Variants in TAS2R1 observed in about 807,000 individuals in gnomAD.
TAS2R1 encodes the protein taste 2 receptor member 1, also known as taste receptor type 2 member 1.
For synonymous variants in TAS2R1, 141 were observed against 134.2 expected (o/e 1.05, Z -0.35); for missense variants, 370 against 353.4 (o/e 1.05, Z -0.38).
At chr5:9,806,916 A>G in the TAS2R1 span, among the ~76,000 whole-genome samples, 7 of 152,190 alleles carry the variant, frequency 4.6e-5, no homozygotes, top group East Asian at 3.8e-4. Flanking sequence ...TAATTAAACT[A>G]AAAAGCTTAT....
At chr5:9,823,365 T>G in the TAS2R1 span, among the ~76,000 whole-genome samples, 1 of 152,002 alleles carries the variant, frequency 6.6e-6, no homozygotes, top group African/African-American at 2.4e-5. Context: ...ATGCTGAATA[T>G]CTACTCATAT....
Position 9,627,700 on chromosome 5 carries a change from G to T in TAS2R1, c.*1433C>A, listed in dbSNP as rs573992850. Among the ~76,000 whole-genome samples the T allele has an allele frequency of 2.0e-5, 3 of 152,208 alleles. No homozygotes were observed. Among genetic ancestry groups the T allele is most frequent in the Non-Finnish European group, 4.4e-5 (3 of 68,028 alleles). ...GATACAACTGATCTTCCCACAGCTG[G>T]CTTCCTGAGTGCGTGATTAGCTACA... On this transcript the variant is annotated 3_prime_UTR_variant, in exon 1 of 1. Coordinates refer to ENST00000382492, the MANE Select transcript of TAS2R1 (RefSeq NM_019599.3).
At chr5:9,734,468 G>A in the TAS2R1 span, among the ~76,000 whole-genome samples, 1 of 152,040 alleles carries the variant, frequency 6.6e-6, no homozygotes, top group African/African-American at 2.4e-5. Context: ...GTTTGTTTGA[G>A]AATCTACTTA....
the TAS2R1 span, among the ~76,000 whole-genome samples, chr5:9,811,713 C>T: frequency 2.0e-5 from 3 of 152,170 alleles, no homozygotes; most frequent in Admixed American, 2.0e-4. Context: ...CAAATTGATA[C>T]ATTCAGGCCA....
intron 1 of TAS2R1, among the ~76,000 whole-genome samples, chr5:9,665,639 C>T (rs1290070488): frequency 6.6e-6 from 1 of 152,210 alleles, no homozygotes; most frequent in African/African-American, 2.4e-5. Context: ...TCTGGGCAGC[C>T]CTGCCTGAAG....
At chr5:9,799,917 G>A in the TAS2R1 span, among the ~76,000 whole-genome samples, 1 of 152,074 alleles carries the variant, frequency 6.6e-6, no homozygotes, top group Non-Finnish European at 1.5e-5. Context: ...AGATTATTTT[G>A]TTATCATAAA....
the TAS2R1 span, among the ~76,000 whole-genome samples, chr5:9,798,362 C>T: frequency 2.0e-5 from 3 of 152,058 alleles, no homozygotes; most frequent in African/African-American, 7.2e-5. Context: ...GAATTGTATA[C>T]TTAAAACAGG....
At chr5:9,720,909 T>C in the TAS2R1 span, among the ~76,000 whole-genome samples, 21 of 152,356 alleles carry the variant, frequency 1.4e-4, no homozygotes, top group East Asian at 3.9e-3. Flanking sequence ...CCCATTTCTC[T>C]TGTCACATTC....
At chr5:9,671,188 C>A (rs1403724401) in intron 1 of TAS2R1, among the ~76,000 whole-genome samples, 1 of 152,160 alleles carries the variant, frequency 6.6e-6, no homozygotes, top group Non-Finnish European at 1.5e-5. Context: ...CAACATTGTA[C>A]TGAATGGGCA....
At chr5:9,703,535 G>A (rs1302434508) in intron 1 of TAS2R1, among the ~76,000 whole-genome samples, 2 of 152,048 alleles carry the variant, frequency 1.3e-5, no homozygotes, top group Non-Finnish European at 2.9e-5. Context: ...CTGCACAGGG[G>A]CTCCAACAAC....
At chr5:9,700,800 A>T (rs1741463921) in intron 1 of TAS2R1, among the ~76,000 whole-genome samples, 1 of 152,016 alleles carries the variant, frequency 6.6e-6, no homozygotes, top group Non-Finnish European at 1.5e-5. Flanking sequence ...CTTTCTGTGC[A>T]TGTCTCTGTC....
the TAS2R1 span, among the ~76,000 whole-genome samples, chr5:9,755,326 G>A: frequency 9.2e-5 from 14 of 152,282 alleles, no homozygotes; most frequent in Non-Finnish European, 1.3e-4. Context: ...GGTGGCTCAC[G>A]CCTGTAATCC....
the TAS2R1 span, among the ~76,000 whole-genome samples, chr5:9,737,287 C>T: frequency 2.0e-5 from 3 of 152,194 alleles, no homozygotes; most frequent in African/African-American, 7.2e-5. Flanking sequence ...ATTAGGTCAA[C>T]ATAGTTGCAG....
the TAS2R1 span, among the ~76,000 whole-genome samples, chr5:9,861,121 T>C: frequency 6.7e-6 from 1 of 149,858 alleles, no homozygotes; most frequent in East Asian, 2.0e-4. Context: ...TTAAAACAAA[T>C]AGATTTTACA....
At chr5:9,686,488 G>C (rs906552595) in intron 1 of TAS2R1, among the ~76,000 whole-genome samples, 2 of 152,124 alleles carry the variant, frequency 1.3e-5, no homozygotes, top group African/African-American at 4.8e-5. Context: ...CTGGGACTTT[G>C]CTCTGTCATG....
the TAS2R1 span, among the ~76,000 whole-genome samples, chr5:9,809,438 C>T: frequency 9.1e-4 from 138 of 152,148 alleles, no homozygotes; most frequent in Middle Eastern, 3.4e-3. Context: ...TGAAGGTAGA[C>T]CCTCCATTAT....
the TAS2R1 span, among the ~76,000 whole-genome samples, chr5:9,811,564 C>T: frequency 0.012 from 1,800 of 152,222 alleles, 27 homozygotes; most frequent in Admixed American, 0.036. Context: ...CTTTGCCGGA[C>T]GCATTTGCTC....
intron 1 of TAS2R1, among the ~76,000 whole-genome samples, chr5:9,668,075 C>T (rs1408519076): frequency 6.6e-6 from 1 of 152,050 alleles, no homozygotes. Context: ...AAGAAAGAAC[C>T]AAACTGATCT....
chr5:9,677,372 G>A (rs1257873472), intron 1 of TAS2R1, among the ~76,000 whole-genome samples: 1 of 151,822 alleles, frequency 6.6e-6, no homozygotes, highest in Admixed American at 6.6e-5. Flanking sequence ...GTTCACCTAT[G>A]TAACAACAAA....
Sources: gnomAD v4.1 joint callset for allele counts (sites outside exome capture counted in the v4.1 genomes callset) on GRCh38, gnomAD v4.1.1 for gene constraint, MANE v1.5 for transcripts, NCBI Gene and HGNC (gene_info 2026-07-23, HGNC 2026-07-21) for gene names.